Variants in GPR89A observed in about 807,000 individuals in gnomAD.
GPR89A encodes golgi pH regulator A, also known as G protein-coupled receptor 89A.
Under a neutral mutation model 52.0 loss-of-function variants are expected in GPR89A, and 16 were observed. The observed-to-expected ratio is 0.31, with a 90% confidence interval of 0.21 to 0.47. The LOEUF (loss-of-function observed/expected upper bound fraction) is 0.47, where lower values mean the gene tolerates loss of function less well. GPR89A is among the 20% of genes least tolerant of loss of function. The probability of loss-of-function intolerance (pLI) is 1.00; values close to 1 mark genes in which losing one functional copy is unlikely to be tolerated. For missense variants in GPR89A, 135 were observed against 449.4 expected (o/e 0.30, Z 6.33); for synonymous variants, 55 against 150.9 (o/e 0.36, Z 4.66).
Position 145,623,117 on chromosome 1 carries a change from G to T in GPR89A, c.270G>T (p.Val90=). The stretch of plus-strand genomic sequence containing the variant: ...TTCTGCTGATCCTGGTTTTCATGGT[G>T]CCTTTTTACATTGGCTATTTTATTG... ...CVILLILVFM[V]PFYIGYFIVS... Residue 90 remains valine, a synonymous_variant, in exon 4 of 14, where the codon GTG becomes GTT. Coordinates refer to ENST00000313835, the MANE Select transcript of GPR89A (RefSeq NM_001097612.2). 1 of 1,612,584 alleles carries T rather than the reference G, an allele frequency of 6.2e-7. No individual in the cohort carries two copies. Among genetic ancestry groups the T allele is most frequent in the East Asian group, 2.2e-5 (1 of 44,748 alleles).
At chr1:145,667,489 A>G (rs1222045530) in intron 12 of GPR89A, among the ~76,000 whole-genome samples, 1 of 152,170 alleles carries the variant, frequency 6.6e-6, no homozygotes, top group African/African-American at 2.4e-5. Flanking sequence ...TCAGATAAGT[A>G]GATTGCAAAA....
At chr1:145,642,047 TCTAA>T (rs1348838578) in intron 7 of GPR89A, among the ~76,000 whole-genome samples, 22 of 149,910 alleles carry the variant, frequency 1.5e-4, no homozygotes, top group African/African-American at 2.7e-4. Flanking sequence ...TCTATGTGCC[TCTAA>T]CTTTCACTTC....
rs1559042123 is a variant in GPR89A at position 145,647,877 on chromosome 1, CTCTATATATATA to C, written c.909+612_909+623del. Among the ~76,000 whole-genome samples, 405 of 40,712 alleles carry C rather than the reference CTCTATATATATA, an allele frequency of 9.9e-3. 2 individuals are homozygous for C. The highest frequency in any genetic ancestry group is 0.013 in the Non-Finnish European group (287 of 22,450). 26.7% of individuals were successfully genotyped at this position (40,712 alleles called of 152,430 possible). On this transcript the variant is annotated intron_variant, in intron 10 of 13. Transcript: ENST00000313835. Reference sequence around the variant, plus strand: ...TCTCTCTCTCTCTCTCTCTCTCTCTCTCTATATATATATATATATATATATATATATATAGAA... The same window carrying C: ...TCTCTCTCTCTCTCTCTCTCTCTCTCTATATATATATATATATATATAGAA...
chr1:145,640,867 T>A (rs1650613198), intron 7 of GPR89A, among the ~76,000 whole-genome samples: 1 of 151,080 alleles, frequency 6.6e-6, no homozygotes, highest in Non-Finnish European at 1.5e-5. Context: ...ATGAACATTT[T>A]ATTGTAGAGG....
chr1:145,636,781 G>T (rs1213412836), intron 7 of GPR89A, among the ~76,000 whole-genome samples: 8 of 152,030 alleles, frequency 5.3e-5, no homozygotes, highest in Non-Finnish European at 7.4e-5. Flanking sequence ...ATGAGCAGAG[G>T]CAGGTAGAAA....
intron 7 of GPR89A, among the ~76,000 whole-genome samples, chr1:145,641,247 C>T (rs1571508751): frequency 6.6e-6 from 1 of 151,186 alleles, no homozygotes; most frequent in East Asian, 1.9e-4. Context: ...AAAAGAATCC[C>T]CAAAGAATAT....
chr1:145,649,428 A>G (rs1449438252), intron 10 of GPR89A, among the ~76,000 whole-genome samples: 4 of 150,676 alleles, frequency 2.7e-5, no homozygotes, highest in Admixed American at 6.6e-5. Flanking sequence ...GGCTTATTTT[A>G]CTCGGCATGA....
At chr1:145,669,603 T>A (rs782373100) in intron 12 of GPR89A, 22 bp from the exon 13 acceptor site, 10 of 1,610,508 alleles carry the variant, frequency 6.2e-6, no homozygotes, top group Non-Finnish European at 8.5e-6. Context: ...CTGCATAAAT[T>A]CATCTCCCTC....
chr1:145,619,125 G>A (rs1648923831), intron 3 of GPR89A, among the ~76,000 whole-genome samples: 2 of 152,132 alleles, frequency 1.3e-5, no homozygotes, highest in Admixed American at 1.3e-4. Context: ...GAGTAAAGCA[G>A]TCTTTCACTC....
At chr1:145,633,915 A>G (rs868938088) in intron 7 of GPR89A, among the ~76,000 whole-genome samples, 7 of 151,004 alleles carry the variant, frequency 4.6e-5, no homozygotes, top group Middle Eastern at 3.5e-3. Context: ...ACAAGAAAAA[A>G]TACTTAGGGA....
chr1:145,625,338 A>G (rs1649422526), intron 5 of GPR89A, among the ~76,000 whole-genome samples: 1 of 12,626 alleles, frequency 7.9e-5, no homozygotes, highest in Non-Finnish European at 1.3e-4. Context: ...AATTATTTCA[A>G]GTTTCTTTTT....
chr1:145,663,312 AATCTGC>A lies in GPR89A; in HGVS notation c.910-12_910-7del, dbSNP rs1282196884. 1 of 1,607,878 alleles carries A rather than the reference AATCTGC, an allele frequency of 6.2e-7. No homozygotes were observed. On this transcript the variant is annotated splice_polypyrimidine_tract_variant and intron_variant, in intron 10 of 13. Transcript: ENST00000313835. ...GATTGTTAAGATGCTCCAAGGTAAA[AATCTGC>A]ATCTTTGCAGGCTACCATCAATATT...
intron 1 of GPR89A, among the ~76,000 whole-genome samples, chr1:145,615,935 A>G (rs1393882630): frequency 8.6e-5 from 13 of 151,518 alleles, no homozygotes; most frequent in Admixed American, 3.9e-4. Context: ...CTCCTTTTCT[A>G]TTTGCAAACT....
At chr1:145,624,520 A>G (rs1351477402) in intron 5 of GPR89A, among the ~76,000 whole-genome samples, 1 of 150,656 alleles carries the variant, frequency 6.6e-6, no homozygotes, top group African/African-American at 2.5e-5. Context: ...AAAAATCTAT[A>G]TATATATACC....
chr1:145,660,899 G>A (rs1209784879), intron 10 of GPR89A, among the ~76,000 whole-genome samples: 5 of 151,606 alleles, frequency 3.3e-5, no homozygotes, highest in Admixed American at 6.6e-5. Context: ...TCAGTGTGGC[G>A]ATTCTTCAGG....
intron 7 of GPR89A, among the ~76,000 whole-genome samples, chr1:145,639,190 G>T (rs1650458894): frequency 6.6e-6 from 1 of 151,750 alleles, no homozygotes; most frequent in African/African-American, 2.4e-5. Flanking sequence ...GAATAGTAAT[G>T]ATGTTAATTC....
chr1:145,659,176 TTTTATTTA>T (rs1211163172), intron 10 of GPR89A, among the ~76,000 whole-genome samples: 1 of 151,800 alleles, frequency 6.6e-6, no homozygotes, highest in East Asian at 1.9e-4. Context: ...TGTTTAACCT[TTTTATTTA>T]TTTATTTATT....
chr1:145,655,322 T>C (rs1651741748), intron 10 of GPR89A, among the ~76,000 whole-genome samples: 1 of 151,944 alleles, frequency 6.6e-6, no homozygotes, highest in Non-Finnish European at 1.5e-5. Flanking sequence ...AGCCTCAGCC[T>C]CAGCCCAGTT....
chr1:145,647,879 CTATATA>C (rs782172827), intron 10 of GPR89A, among the ~76,000 whole-genome samples: 1,398 of 24,584 alleles, frequency 0.057, 74 homozygotes, highest in African/African-American at 0.07. Flanking sequence ...CTCTCTCTCT[CTATATA>C]TATATATATA....
Sources: allele counts gnomAD v4.1 joint callset (sites outside exome capture counted in the v4.1 genomes callset), GRCh38; gene constraint gnomAD v4.1.1; transcripts MANE v1.5; gene names NCBI Gene and HGNC (gene_info 2026-07-23, HGNC 2026-07-21).